The following PLCXD1 variants were observed in gnomAD, a reference collection of about 807,000 sequenced individuals.
The protein encoded by PLCXD1 is PI-PLC X domain-containing protein 1.
Under a neutral mutation model 37.8 loss-of-function variants are expected in PLCXD1, and 45 were observed. The ratio of observed to expected loss-of-function variants is 1.19; its 90% CI spans 0.94 to 1.53. PLCXD1 has a LOEUF of 1.53. Among genes scored for constraint, PLCXD1 ranks in the 40% most tolerant of loss-of-function variants. The pLI, the probability that PLCXD1 is intolerant of heterozygous loss-of-function variation, is 0.00. For synonymous variants in PLCXD1, 246 were observed against 206.9 expected (o/e 1.19, Z -1.62); for missense variants, 539 against 454.7 (o/e 1.19, Z -1.69).
chrX:279,070 C>T (rs2069209906), upstream of PLCXD1, among the ~76,000 whole-genome samples: 1 of 152,054 alleles, frequency 6.6e-6, no homozygotes, highest in Non-Finnish European at 1.5e-5. Flanking sequence ...TGGAAAATTA[C>T]AGCAAAAGGT....
At chrX:282,942 ATATTATAT>A (rs1569564366) in intron 1 of PLCXD1, among the ~76,000 whole-genome samples, 1 of 117,352 alleles carries the variant, frequency 8.5e-6, no homozygotes, top group African/African-American at 4.1e-5. Flanking sequence ...TGTTATATAT[ATATTATAT>A]ATATATTATA....
In PLCXD1 at chrX:300,566, G is replaced by GTGTACATGTA; in HGVS notation, c.*1232_*1233insGTACATGTAT. 1 of 149,424 alleles carries GTGTACATGTA rather than the reference G, an allele frequency of 6.7e-6. No homozygotes were observed. The highest frequency in any genetic ancestry group is 6.6e-5 in the Admixed American group (1 of 15,110). The allele number at this position is 149,424 out of a possible 1,614,324, so 9.3% of individuals were successfully genotyped here. ...TGTATATGTGTATGCATGTATATGT[G>GTGTACATGTA]TATGTGTACATGTATATGTGTTTAT... On this transcript the variant is annotated 3_prime_UTR_variant, in exon 7 of 7. Coordinates refer to ENST00000381657, the MANE Select transcript of PLCXD1 (RefSeq NM_018390.4).
At chrX:278,738 CAAA>C (rs549455644), upstream of PLCXD1, among the ~76,000 whole-genome samples, 1 of 102,856 alleles carries the variant, frequency 9.7e-6, no homozygotes. Context: ...GACTCCGTCT[CAAA>C]AAAAAAAAAA....
At chrX:277,307 G>A (rs2069177026), upstream of PLCXD1, among the ~76,000 whole-genome samples, 1 of 78,338 alleles carries the variant, frequency 1.3e-5, no homozygotes, top group Non-Finnish European at 3.2e-5. Context: ...ACCCCTCAGT[G>A]GTCAGGGGAC....
chrX:279,119 G>C (rs773227867), upstream of PLCXD1, among the ~76,000 whole-genome samples: 1 of 152,192 alleles, frequency 6.6e-6, no homozygotes. Context: ...TGCAAGGTGC[G>C]TGGTGCACAG....
In PLCXD1 at chrX:299,239, T is replaced by G. The variant is rs777963400; in HGVS notation, c.876T>G (p.Gly292=). 27 of 1,613,808 alleles carry G rather than the reference T, an allele frequency of 1.7e-5. No homozygotes were observed. In the South Asian group the frequency reaches 3.0e-4, roughly 18 times the overall value. Residue 292 remains glycine, a synonymous_variant, in exon 7 of 7, where the codon GGT becomes GGG. Coordinates refer to ENST00000381657, the MANE Select transcript of PLCXD1 (RefSeq NM_018390.4). ...AWVREQCPGP[G]SRCTNIIAGD... ...TCCGAGAGCAGTGCCCGGGGCCGGGTTCACGGTGCACCAACATCATCGCGG... is the reference window on the plus strand; with the variant it reads ...TCCGAGAGCAGTGCCCGGGGCCGGGGTCACGGTGCACCAACATCATCGCGG...
chrX:281,524 G>A lies in PLCXD1; in HGVS notation c.-182G>A, dbSNP rs1457236442. ...CCTCAGTGTGGAAGAGAAGGCAGCA[G>A]GATTATTACAGAACCTTGTGAAGCC... On this transcript the variant is annotated 5_prime_UTR_variant, in exon 1 of 7. Transcript: ENST00000381657. 2.6e-5 allele frequency: 4 copies of A among 152,544 alleles called. No homozygotes were observed. The highest frequency in any genetic ancestry group is 9.6e-5 in the African/African-American group (4 of 41,558). The allele number at this position is 152,544 out of a possible 1,614,324, so 9.4% of individuals were successfully genotyped here.
chrX:292,321 T>A (rs183284980), intron 5 of PLCXD1, among the ~76,000 whole-genome samples: 3,852 of 151,638 alleles, frequency 0.025, 119 homozygotes, highest in African/African-American at 0.08. Context: ...TAGCCGGGCG[T>A]GGTGGCGGGC....
intron 2 of PLCXD1, among the ~76,000 whole-genome samples, chrX:284,742 G>A (rs1163031114): frequency 1.3e-5 from 2 of 149,374 alleles, no homozygotes; most frequent in African/African-American, 4.9e-5. Flanking sequence ...ACATACCCGA[G>A]ACTGGGTAAT....
upstream of PLCXD1, among the ~76,000 whole-genome samples, chrX:277,941 A>C (rs1402994754): frequency 1.8e-5 from 1 of 56,962 alleles, no homozygotes; most frequent in South Asian, 8.3e-4. Flanking sequence ...GGTCAGGGGG[A>C]ACGTGGGGAC....
At chrX:290,355 G>A (rs1469075388) in intron 3 of PLCXD1, among the ~76,000 whole-genome samples, 5 of 151,888 alleles carry the variant, frequency 3.3e-5, no homozygotes, top group South Asian at 2.1e-4. Flanking sequence ...GCATGAACCC[G>A]GGAGGCGGAG....
intron 6 of PLCXD1, among the ~76,000 whole-genome samples, chrX:296,436 T>A (rs1190990619): frequency 2.6e-5 from 4 of 152,188 alleles, no homozygotes; most frequent in Non-Finnish European, 1.5e-5. Flanking sequence ...AAATACGTGT[T>A]AAAAACCACT....
Position 300,585 on chromosome X carries a change from T to G in PLCXD1, c.*1250T>G, listed in dbSNP as rs1165753006. ...ATATGTGTATGTGTACATGTATATG[T>G]GTTTATACATGTATATGTGTGTATG... is the stretch of plus-strand genomic sequence containing the variant. On this transcript the variant is annotated 3_prime_UTR_variant, in exon 7 of 7. Coordinates refer to ENST00000381657, the MANE Select transcript of PLCXD1 (RefSeq NM_018390.4). 6.7e-6 allele frequency: 1 copy of G among 149,282 alleles called. No individual in the cohort carries two copies. Among genetic ancestry groups the G allele is most frequent in the Non-Finnish European group, 1.5e-5 (1 of 67,492 alleles). 9.2% of individuals were successfully genotyped at this position (149,282 alleles called of 1,614,324 possible).
At chrX:285,621 ACACATG>A (rs1398561810) in intron 2 of PLCXD1, among the ~76,000 whole-genome samples, 10 of 148,356 alleles carry the variant, frequency 6.7e-5, no homozygotes, top group Middle Eastern at 3.4e-3. Context: ...GTACACAGGC[ACACATG>A]CACATGCACA....
intron 6 of PLCXD1, among the ~76,000 whole-genome samples, chrX:294,274 A>G (rs2069730711): frequency 6.6e-6 from 1 of 151,916 alleles, no homozygotes; most frequent in South Asian, 2.1e-4. Context: ...TGAGGTCAGG[A>G]GATCGAGACC....
intron 6 of PLCXD1, among the ~76,000 whole-genome samples, chrX:293,472 C>G (rs1033588107): frequency 2.6e-5 from 4 of 152,092 alleles, no homozygotes; most frequent in Non-Finnish European, 5.9e-5. Context: ...AGAAATAAAA[C>G]TTAGCGGCCG....
rs1433296007 is a variant in PLCXD1 at position 291,479 on chromosome X, C to G, written c.394-20C>G. 1.1e-5 allele frequency: 18 copies of G among 1,611,616 alleles called. No individual in the cohort carries two copies. The highest frequency in any genetic ancestry group is 1.5e-5 in the Non-Finnish European group (18 of 1,179,494). Reference sequence around the variant, plus strand: ...GGTGTTGGAGTCGTGCAGGACTCAGCCCAGCACCCCCCTCCCCAGGACACA... The same window carrying G: ...GGTGTTGGAGTCGTGCAGGACTCAGGCCAGCACCCCCCTCCCCAGGACACA... On this transcript the variant is annotated intron_variant, in intron 4 of 6. Transcript: ENST00000381657.
chrX:296,194 C>T (rs2069801988), intron 6 of PLCXD1, among the ~76,000 whole-genome samples: 3 of 152,022 alleles, frequency 2.0e-5, no homozygotes, highest in Admixed American at 6.6e-5. Flanking sequence ...GATCTCGGCT[C>T]ACTGCAACCT....
upstream of PLCXD1, among the ~76,000 whole-genome samples, chrX:279,322 G>C (rs1602817843): frequency 6.6e-6 from 1 of 152,290 alleles, no homozygotes; most frequent in Non-Finnish European, 1.5e-5. Flanking sequence ...CCACCTGGAC[G>C]TATATGTGCA....
Sources: gnomAD v4.1 joint callset for allele counts (sites outside exome capture counted in the v4.1 genomes callset) on GRCh38, gnomAD v4.1.1 for gene constraint, MANE v1.5 for transcripts, NCBI Gene and HGNC (gene_info 2026-07-23, HGNC 2026-07-21) for gene names.